SIK3: variants seen among roughly 807,000 people sequenced by gnomAD.
SIK3 encodes serine/threonine-protein kinase SIK3.
Under a neutral mutation model 144.2 loss-of-function variants are expected in SIK3, and 28 were observed. The ratio of observed to expected loss-of-function variants is 0.19; its 90% CI spans 0.14 to 0.27. The LOEUF (loss-of-function observed/expected upper bound fraction) is 0.27, where lower values mean the gene tolerates loss of function less well. Ranked by LOEUF, SIK3 falls within the 10% of genes least tolerant of loss-of-function variation. The pLI is 1.00. For synonymous variants in SIK3, 686 were observed against 676.3 expected, an observed-to-expected ratio of 1.01 and a Z score of -0.22; for missense variants, 1,319 against 1,776.0, an observed-to-expected ratio of 0.74 and a Z score of 4.62.
At chr11:116,850,664 A>G (rs1942356160) in intron 21 of SIK3, among the ~76,000 whole-genome samples, 1 of 152,206 alleles carries the variant, frequency 6.6e-6, no homozygotes, top group African/African-American at 2.4e-5. Flanking sequence ...ATGTCTGTGA[A>G]TCTTCAGTGT....
intron 1 of SIK3, among the ~76,000 whole-genome samples, chr11:117,081,324 A>T (rs1270241836): frequency 6.6e-6 from 1 of 152,134 alleles, no homozygotes; most frequent in Non-Finnish European, 1.5e-5. Context: ...AGATGTTTTT[A>T]AAGTCTTTGA....
In SIK3 at chr11:116,991,272, C is replaced by T. The variant is rs1318910325; in HGVS notation, c.274-34208G>A. Among the ~76,000 whole-genome samples, 8 of 152,148 alleles carry T rather than the reference C, an allele frequency of 5.3e-5. No individual in the cohort carries two copies. The East Asian group carries it at 1.4e-3, about 26-fold the overall frequency. ...AGACCAGCTGGCCAACATGGCAAAACCCCGTCTCTATCAAAAATACAAAAA... is the reference window on the plus strand; with the variant it reads ...AGACCAGCTGGCCAACATGGCAAAATCCCGTCTCTATCAAAAATACAAAAA... On this transcript the variant is annotated intron_variant, in intron 1 of 24. Transcript: ENST00000445177.
chr11:117,006,528 C>A (rs1006230945), intron 1 of SIK3, among the ~76,000 whole-genome samples: 1 of 151,872 alleles, frequency 6.6e-6, no homozygotes, highest in Non-Finnish European at 1.5e-5. Context: ...CTGCACACTG[C>A]GGCTCACACC....
At chr11:116,871,810 A>G (rs1218344886) in intron 13 of SIK3, among the ~76,000 whole-genome samples, 1 of 152,218 alleles carries the variant, frequency 6.6e-6, no homozygotes, top group Admixed American at 6.5e-5. Flanking sequence ...TGACAGTGCC[A>G]TTCACTGTCA....
rs1225833525 is a variant in SIK3, at chr11:116,858,050, G to C, written c.3415C>G (p.His1139Asp). The C allele has an allele frequency of 6.2e-7, 1 of 1,613,818 alleles. No individual in the cohort carries two copies. The highest frequency in any genetic ancestry group is 1.7e-5 in the Admixed American group (1 of 60,018). The change falls in exon 21 of 25, where the codon CAT becomes GAT. Residue 1139 changes from histidine to aspartate, a missense_variant. By Grantham distance (81) the His-to-Asp change is moderately conservative (BLOSUM62 -1). Transcript: ENST00000445177. This position sits in a 1 kb window ranked among gnomAD's most constrained non-coding sequence, Gnocchi z 5.4. ...CAGTCCTCCTCCATGCTCTCTGAAT[G>C]CATCAGTGCCGGCTGGTGAGCATAC... The part of the protein sequence containing the change: ...HGYAHQPALM[H>D]SESMEEDCSC...
At chr11:116,992,551 T>C (rs1950535108) in intron 1 of SIK3, among the ~76,000 whole-genome samples, 2 of 152,170 alleles carry the variant, frequency 1.3e-5, no homozygotes, top group Admixed American at 6.5e-5. Context: ...GGATGGACCA[T>C]GCAGCACCCA....
intron 1 of SIK3, among the ~76,000 whole-genome samples, chr11:117,009,232 CA>C (rs397848244): frequency 0.26 from 20,705 of 78,484 alleles, 2,611 homozygotes; most frequent in African/African-American, 0.49. Context: ...GACACTGTCT[CA>C]AAAAAAAAAA....
intron 1 of SIK3, among the ~76,000 whole-genome samples, chr11:117,088,533 C>T (rs1955112109): frequency 6.6e-6 from 1 of 152,148 alleles, no homozygotes; most frequent in Admixed American, 6.5e-5. Context: ...TTCATGTACT[C>T]AATGAATATC....
At chr11:117,078,463 T>A (rs1420832736) in intron 1 of SIK3, among the ~76,000 whole-genome samples, 1 of 147,462 alleles carries the variant, frequency 6.8e-6, no homozygotes. Flanking sequence ...GTCACCCAGC[T>A]GTAGTGCAGT....
At chr11:116,966,649 A>C (rs952052351) in intron 1 of SIK3, among the ~76,000 whole-genome samples, 4 of 151,720 alleles carry the variant, frequency 2.6e-5, no homozygotes, top group Non-Finnish European at 4.4e-5. Flanking sequence ...TGTTCAACCT[A>C]CAACTTATAG....
chr11:117,007,203 C>T (rs1007627642), intron 1 of SIK3, among the ~76,000 whole-genome samples: 2 of 152,200 alleles, frequency 1.3e-5, no homozygotes, highest in Admixed American at 6.5e-5. Flanking sequence ...CACAGTGAAA[C>T]CCTGTCTCTA....
intron 1 of SIK3, among the ~76,000 whole-genome samples, chr11:117,061,623 G>C (rs149820395): frequency 6.6e-6 from 1 of 152,218 alleles, no homozygotes; most frequent in East Asian, 1.9e-4. Flanking sequence ...GAACCCATAA[G>C]TCAACATTAC....
At chr11:117,002,223 G>A (rs545825787) in intron 1 of SIK3, among the ~76,000 whole-genome samples, 6 of 152,096 alleles carry the variant, frequency 3.9e-5, no homozygotes, top group Admixed American at 6.5e-5. Flanking sequence ...GGCTACATGC[G>A]TCCCAGGACG....
chr11:116,902,717 C>G (rs1945804846), intron 4 of SIK3, among the ~76,000 whole-genome samples: 1 of 152,166 alleles, frequency 6.6e-6, no homozygotes, highest in Non-Finnish European at 1.5e-5. Context: ...GTCGAGAGGT[C>G]TTCTATAATC....
intron 1 of SIK3, among the ~76,000 whole-genome samples, chr11:116,999,191 T>C (rs1331952370): frequency 1.3e-5 from 2 of 152,240 alleles, no homozygotes; most frequent in African/African-American, 2.4e-5. Context: ...TCTGGAATCA[T>C]AGGTTTGAAT....
At chr11:117,073,461 T>C (rs1954369260) in intron 1 of SIK3, among the ~76,000 whole-genome samples, 1 of 152,206 alleles carries the variant, frequency 6.6e-6, no homozygotes, top group African/African-American at 2.4e-5. Context: ...GACCTACTTA[T>C]AAATCTCAGC....
At chr11:116,953,708 G>A (rs1472669123) in intron 3 of SIK3, among the ~76,000 whole-genome samples, 1 of 152,240 alleles carries the variant, frequency 6.6e-6, no homozygotes, top group Non-Finnish European at 1.5e-5. Context: ...ACTTGTGTGA[G>A]TTCTGTCGCA....
At chr11:116,848,465 C>T in intron 22 of SIK3, among the ~76,000 whole-genome samples, 1 of 152,200 alleles carries the variant, frequency 6.6e-6, no homozygotes, top group Admixed American at 6.5e-5. Flanking sequence ...AGCTACTAGA[C>T]TAGCACCACC....
intron 4 of SIK3, among the ~76,000 whole-genome samples, chr11:116,902,477 T>C (rs1328420006): frequency 1.3e-5 from 2 of 152,226 alleles, no homozygotes; most frequent in African/African-American, 4.8e-5. Flanking sequence ...GGATTTTATA[T>C]GAGAAATGAG....
Sources: allele counts gnomAD v4.1 joint callset (sites outside exome capture counted in the v4.1 genomes callset), GRCh38; gene constraint gnomAD v4.1.1; non-coding constraint Gnocchi (gnomAD v3.1); transcripts MANE v1.5; gene names NCBI Gene and HGNC (gene_info 2026-07-23, HGNC 2026-07-21).